Variants in PDE4D observed in about 807,000 individuals in gnomAD.
The protein encoded by PDE4D is phosphodiesterase 4D, also known as 3',5'-cyclic-AMP phosphodiesterase 4D.
Under a neutral mutation model 87.4 loss-of-function variants are expected in PDE4D, and 24 were observed. The ratio of observed to expected loss-of-function variants is 0.27; its 90% CI spans 0.20 to 0.39. The LOEUF (loss-of-function observed/expected upper bound fraction) is 0.39. Ranked by LOEUF, PDE4D falls within the 10% of genes least tolerant of loss-of-function variation. The pLI, the probability that PDE4D is intolerant of heterozygous loss-of-function variation, is 1.00. For missense variants in PDE4D, 714 were observed against 1,041.0 expected, an observed-to-expected ratio of 0.69 and a Z score of 4.32; for synonymous variants, 384 against 383.2, an observed-to-expected ratio of 1.00 and a Z score of -0.02.
intron 1 of PDE4D, among the ~76,000 whole-genome samples, chr5:59,471,609 T>A (rs1802457740): frequency 6.6e-6 from 1 of 152,210 alleles, no homozygotes; most frequent in African/African-American, 2.4e-5. Flanking sequence ...AAGACTCACA[T>A]CCCTCTACAC....
At chr5:59,165,836 G>A (rs1472785988) in intron 5 of PDE4D, among the ~76,000 whole-genome samples, 1 of 152,112 alleles carries the variant, frequency 6.6e-6, no homozygotes, top group Non-Finnish European at 1.5e-5. Flanking sequence ...GGCCCAGGAC[G>A]CAAACAAGAC....
chr5:60,350,171 A>C (rs956660155), intron 1 of PDE4D, among the ~76,000 whole-genome samples: 1 of 152,174 alleles, frequency 6.6e-6, no homozygotes, highest in Non-Finnish European at 1.5e-5. Context: ...CAACTTGGCT[A>C]CAACCCATAG....
At chr5:60,176,021 C>A (rs1379557404) in intron 2 of PDE4D, among the ~76,000 whole-genome samples, 1 of 152,126 alleles carries the variant, frequency 6.6e-6, no homozygotes, top group Non-Finnish European at 1.5e-5. Context: ...TTTTGTTCCA[C>A]TGGGAAATGG....
At chr5:60,304,938 CA>C (rs1215708891) in intron 1 of PDE4D, among the ~76,000 whole-genome samples, 1 of 150,752 alleles carries the variant, frequency 6.6e-6, no homozygotes, top group Non-Finnish European at 1.5e-5. Flanking sequence ...AGAGCTGGAC[CA>C]AAAAAACCCA....
At chr5:59,951,518 A>T (rs1246152012) in intron 3 of PDE4D, among the ~76,000 whole-genome samples, 1 of 152,220 alleles carries the variant, frequency 6.6e-6, no homozygotes, top group Non-Finnish European at 1.5e-5. Flanking sequence ...TTAATTGAAC[A>T]AATTTAGCTT....
chr5:60,462,381 T>G (rs1747015837), intron 1 of PDE4D, among the ~76,000 whole-genome samples: 1 of 152,108 alleles, frequency 6.6e-6, no homozygotes, highest in Non-Finnish European at 1.5e-5. Flanking sequence ...CACACATTCT[T>G]ACAAGGATCC....
intron 3 of PDE4D, 131 bp downstream of exon 3, chr5:59,193,369 G>T: frequency 1.1e-6 from 1 of 889,028 alleles, no homozygotes; most frequent in Non-Finnish European, 1.8e-6. Flanking sequence ...TGAATTGCTT[G>T]AATGAACCAA....
At chr5:59,962,555 A>T (rs1297899055) in intron 3 of PDE4D, among the ~76,000 whole-genome samples, 1 of 124,488 alleles carries the variant, frequency 8.0e-6, no homozygotes, top group Non-Finnish European at 1.8e-5. Flanking sequence ...AAATTTGATA[A>T]CAATGTTAAG....
chr5:60,405,016 A>G (rs1201191409), intron 1 of PDE4D, among the ~76,000 whole-genome samples: 2 of 152,252 alleles, frequency 1.3e-5, no homozygotes, highest in African/African-American at 4.8e-5. Context: ...TGAAAGAACA[A>G]TAGAGCCTTC....
At chr5:60,002,599 C>A (rs1764118306) in intron 2 of PDE4D, among the ~76,000 whole-genome samples, 2 of 152,056 alleles carry the variant, frequency 1.3e-5, no homozygotes, top group Non-Finnish European at 2.9e-5. Context: ...CCTAGATTTG[C>A]AAGTATGATC....
chr5:60,460,008 G>A lies in PDE4D; in HGVS notation c.-90+27934C>T, dbSNP rs188079173. The A allele has an allele frequency of 1.4e-4, 156 of 1,081,990 alleles. 1 individual carries two copies. The East Asian group carries it at 2.9e-3, about 20-fold the overall frequency. 67.0% of individuals were successfully genotyped at this position (1,081,990 alleles called of 1,614,324 possible). A position where few individuals can be genotyped will look rare whatever the true frequency, so the allele number is the denominator to read the frequency against. ...ATTCTGCTTCTTCATCATCCATATC[G>A]GGAACCAAGTAGTACTGTAATGAGT... On this transcript the variant is annotated intron_variant, in intron 1 of 16. Coordinates refer to the PDE4D transcript ENST00000502484.
intron 3 of PDE4D, among the ~76,000 whole-genome samples, chr5:59,901,889 C>T (rs1433472702): frequency 6.7e-6 from 1 of 149,828 alleles, no homozygotes; most frequent in Non-Finnish European, 1.5e-5. Flanking sequence ...AATTCTACTC[C>T]TGGGTACACA....
intron 1 of PDE4D, among the ~76,000 whole-genome samples, chr5:59,318,907 G>A (rs908648214): frequency 6.6e-6 from 1 of 151,928 alleles, no homozygotes; most frequent in African/African-American, 2.4e-5. Flanking sequence ...TATAAACAAC[G>A]ATTTGGAAAA....
intron 1 of PDE4D, among the ~76,000 whole-genome samples, chr5:59,690,019 A>G (rs1315026039): frequency 2.0e-5 from 3 of 152,172 alleles, no homozygotes; most frequent in African/African-American, 4.8e-5. Context: ...AGGGATGTGA[A>G]GGACCTCTTC....
At chr5:59,141,245 G>A (rs1176542086) in intron 5 of PDE4D, among the ~76,000 whole-genome samples, 1 of 152,176 alleles carries the variant, frequency 6.6e-6, no homozygotes, top group African/African-American at 2.4e-5. Flanking sequence ...CACTGTCTAA[G>A]TCTTTCTGTT....
chr5:59,775,886 A>C (rs1764027205), intron 1 of PDE4D, among the ~76,000 whole-genome samples: 1 of 152,102 alleles, frequency 6.6e-6, no homozygotes, highest in Non-Finnish European at 1.5e-5. Flanking sequence ...ATTTTTTTGG[A>C]ATCTTTCTCA....
chr5:59,824,032 T>C (rs55688667), intron 1 of PDE4D, among the ~76,000 whole-genome samples: 10,298 of 151,750 alleles, frequency 0.068, 1,213 homozygotes, highest in African/African-American at 0.24. Flanking sequence ...AAACATCTTG[T>C]TCATTTATTT....
intron 1 of PDE4D, among the ~76,000 whole-genome samples, chr5:59,520,930 A>G (rs900049855): frequency 6.6e-6 from 1 of 152,010 alleles, no homozygotes; most frequent in African/African-American, 2.4e-5. Flanking sequence ...GTGTGTCTGT[A>G]TGTGTGTATA....
Position 59,891,981 on chromosome 5 carries a change from C to G in PDE4D, c.455+1187G>C, listed in dbSNP as rs1295882508. 3.9e-5 allele frequency among the ~76,000 whole-genome samples: 6 copies of G among 152,284 alleles called. No individual in the cohort carries two copies. The East Asian group carries it at 1.2e-3, about 29-fold the overall frequency. On this transcript the variant is annotated intron_variant, in intron 1 of 14. Transcript: ENST00000340635. ...CTTGTGGCTTGGAGGTGCAGTACATCGATGCCTGTCCACATCTAAGGTTAG... is the reference window on the plus strand; with the variant it reads ...CTTGTGGCTTGGAGGTGCAGTACATGGATGCCTGTCCACATCTAAGGTTAG...
Sources: gnomAD v4.1 joint callset for allele counts (sites outside exome capture counted in the v4.1 genomes callset) on GRCh38, gnomAD v4.1.1 for gene constraint, MANE v1.5 for transcripts, NCBI Gene and HGNC (gene_info 2026-07-23, HGNC 2026-07-21) for gene names.